The following TET1 variants were observed in gnomAD, a reference collection of about 807,000 sequenced individuals.
TET1 encodes the protein tet methylcytosine dioxygenase 1, also known as methylcytosine dioxygenase TET1.
TET1 carries 13 observed loss-of-function variants against 148.7 expected under a neutral mutation model. That is an observed-to-expected ratio of 0.09 (90% CI 0.06 to 0.14). The LOEUF is 0.14. Among genes scored for constraint, TET1 ranks in the 10% least tolerant of loss-of-function variants. The pLI is 1.00. For missense variants in TET1, 2,182 were observed against 2,553.8 expected (o/e 0.85, Z 3.14); for synonymous variants, 907 against 937.2 (o/e 0.97, Z 0.59).
intron 10 of TET1, 117 bp downstream of exon 10, chr10:68,683,090 G>T: frequency 1.7e-6 from 2 of 1,211,316 alleles, no homozygotes; most frequent in Admixed American, 6.2e-5. Flanking sequence ...TGTGTTATTA[G>T]AAATAAGTGG....
At chr10:68,561,989 C>T (rs1312717138) in intron 1 of TET1, among the ~76,000 whole-genome samples, 1 of 152,144 alleles carries the variant, frequency 6.6e-6, no homozygotes, top group African/African-American at 2.4e-5. Flanking sequence ...CCCCTCCGTC[C>T]CGGTTCCACT....
Position 68,691,099 on chromosome 10 carries a change from C to T in TET1, c.5696C>T (p.Pro1899Leu). The change falls in exon 12 of 12, where the codon CCT becomes CTT. Residue 1899 changes from proline to leucine, a missense_variant. Pro to Leu is a moderately conservative substitution (Grantham distance 98). This residue lies in a region of TET1 where 380 missense variants were observed against 387.9 expected (regional missense o/e 0.98). Transcript: ENST00000373644. This position sits in a 1 kb window ranked among gnomAD's most constrained non-coding sequence, Gnocchi z 4.4. ...SGANAAAADG[P>L]GISQLGEVAP... ...GCCAATGCAGCTGCTGCTGATGGCCCTGGCATTTCACAGCTTGGCGAAGTG... is the reference window on the plus strand; with the variant it reads ...GCCAATGCAGCTGCTGCTGATGGCCTTGGCATTTCACAGCTTGGCGAAGTG... The T allele has an allele frequency of 3.1e-6, 5 of 1,614,210 alleles. No homozygotes were observed. The highest frequency in any genetic ancestry group is 4.2e-6 in the Non-Finnish European group (5 of 1,180,042).
Position 68,572,223 on chromosome 10 carries a change from AC to A in TET1, c.-114del. ...TATTCTGTTGTTATTTCAGACCAAA[AC>A]CTTGTGTGACTGAGCTGAAGAGCAG... On this transcript the variant is annotated 5_prime_UTR_variant, in exon 2 of 12. Transcript: ENST00000373644. 1 of 860,004 alleles carries A rather than the reference AC, an allele frequency of 1.2e-6. No homozygotes were observed. Among genetic ancestry groups the A allele is most frequent in the South Asian group, 1.9e-5 (1 of 52,918 alleles). The allele number at this position is 860,004 out of a possible 1,614,324, so 53.3% of individuals were successfully genotyped here.
intron 3 of TET1, among the ~76,000 whole-genome samples, chr10:68,621,262 G>GA (rs1173823625): frequency 6.6e-6 from 1 of 150,648 alleles, no homozygotes; most frequent in Non-Finnish European, 1.5e-5. Context: ...GTTGTTTTGA[G>GA]ACGGAGTTTC....
At chr10:68,632,251 G>A in intron 3 of TET1, 1 of 793,258 alleles carries the variant, frequency 1.3e-6, no homozygotes, top group Non-Finnish European at 2.0e-6. Context: ...GAACCCGGGA[G>A]GCGGAGCTTG....
At chr10:68,659,718 A>G (rs1266569336) in intron 6 of TET1, among the ~76,000 whole-genome samples, 1 of 152,134 alleles carries the variant, frequency 6.6e-6, no homozygotes, top group African/African-American at 2.4e-5. Flanking sequence ...TTGCTTATAG[A>G]GTTCATTTTT....
intron 2 of TET1, among the ~76,000 whole-genome samples, chr10:68,579,315 C>T (rs759810125): frequency 5.2e-4 from 79 of 152,184 alleles, no homozygotes; most frequent in Non-Finnish European, 2.1e-4. Context: ...AATGATTACC[C>T]AAAATAGAAT....
At chr10:68,624,027 C>T (rs1044546778) in intron 3 of TET1, among the ~76,000 whole-genome samples, 2 of 146,650 alleles carry the variant, frequency 1.4e-5, no homozygotes, top group Admixed American at 1.4e-4. Flanking sequence ...CTGCCTCCCC[C>T]ATTTGTGAAA....
chr10:68,567,055 A>G (rs2133669274), intron 1 of TET1, among the ~76,000 whole-genome samples: 1 of 152,272 alleles, frequency 6.6e-6, no homozygotes, highest in East Asian at 1.9e-4. Context: ...ATATTTATGA[A>G]CTGAAAACTG....
At position 68,645,175 on chromosome 10, in the gene TET1, C is replaced by G. The variant is rs768061059; in HGVS notation, c.2446C>G (p.Leu816Val). 1.2e-6 allele frequency: 2 copies of G among 1,614,116 alleles called. No individual in the cohort carries two copies. Among genetic ancestry groups the G allele is most frequent in the South Asian group, 2.2e-5 (2 of 91,082 alleles). The change falls in exon 4 of 12, where the codon CTC becomes GTC. Residue 816 changes from leucine (L) to valine (V), a missense_variant. This residue lies in a region of TET1 where 226 missense variants were observed against 307.4 expected (regional missense o/e 0.74). Transcript: ENST00000373644. ...SVATDMSCDH[L>V]KGRSNVLVFQ... The stretch of plus-strand genomic sequence containing the variant: ...TGCTACTGATATGAGTTGTGATCAT[C>G]TCAAGGGGAGAAGTAACGTTTTAGT...
intron 1 of TET1, among the ~76,000 whole-genome samples, chr10:68,562,804 G>A (rs1403364093): frequency 6.6e-6 from 1 of 151,478 alleles, no homozygotes; most frequent in African/African-American, 2.4e-5. Context: ...CCTTCTGAGC[G>A]TCCGTATCTT....
intron 6 of TET1, among the ~76,000 whole-genome samples, chr10:68,657,327 C>T (rs1255837203): frequency 6.6e-6 from 1 of 152,126 alleles, no homozygotes; most frequent in East Asian, 1.9e-4. Flanking sequence ...CAGGCGCCTG[C>T]CACCACAACT....
At chr10:68,568,168 G>C (rs1472617101) in intron 1 of TET1, among the ~76,000 whole-genome samples, 1 of 150,680 alleles carries the variant, frequency 6.6e-6, no homozygotes, top group African/African-American at 2.4e-5. Flanking sequence ...GTGAGCCACT[G>C]CACTGCGCCC....
intron 2 of TET1, among the ~76,000 whole-genome samples, chr10:68,595,939 TATATATATATATATATATATATAC>T (rs1209328472): frequency 3.3e-4 from 12 of 36,322 alleles, no homozygotes; most frequent in South Asian, 1.4e-3. Flanking sequence ...TATATATATA[TATATATATATATATATATATATAC>T]ACACACACAC....
intron 2 of TET1, among the ~76,000 whole-genome samples, chr10:68,578,859 A>G (rs2053761017): frequency 6.6e-6 from 1 of 152,140 alleles, no homozygotes; most frequent in Admixed American, 6.6e-5. Flanking sequence ...ATTTAAAAAA[A>G]AGAAAAAATT....
chr10:68,669,735 C>T (rs557546498), intron 7 of TET1, among the ~76,000 whole-genome samples: 11 of 149,342 alleles, frequency 7.4e-5, no homozygotes, highest in Admixed American at 2.0e-4. Flanking sequence ...CTGCAACCTC[C>T]GCCTCCTGGG....
At chr10:68,667,019 T>C (rs1246975670) in intron 6 of TET1, 26 bp from the exon 7 acceptor site, 44 of 1,600,654 alleles carry the variant, frequency 2.7e-5, no homozygotes, top group Non-Finnish European at 3.8e-5. Context: ...TTGTCTTCCA[T>C]AGATGAATGT....
chr10:68,663,344 T>G (rs753480347), intron 6 of TET1, among the ~76,000 whole-genome samples: 3 of 152,224 alleles, frequency 2.0e-5, no homozygotes, highest in Non-Finnish European at 4.4e-5. Flanking sequence ...AGTTTTATTC[T>G]TAGGTTTTTT....
At chr10:68,638,768 TG>T in intron 3 of TET1, among the ~76,000 whole-genome samples, 1 of 19,074 alleles carries the variant, frequency 5.2e-5, no homozygotes, top group Non-Finnish European at 1.1e-4. Flanking sequence ...ATGGAGTTTG[TG>T]TGTGTGTGTG....
Sources: allele counts gnomAD v4.1 joint callset (sites outside exome capture counted in the v4.1 genomes callset), GRCh38; gene constraint gnomAD v4.1.1; regional missense constraint gnomAD v4.1.1; non-coding constraint Gnocchi (gnomAD v3.1); transcripts MANE v1.5; gene names NCBI Gene and HGNC (gene_info 2026-07-23, HGNC 2026-07-21).